Variants in LITAF observed in about 807,000 individuals in gnomAD.
LITAF encodes the protein lipopolysaccharide induced TNF factor.
A neutral mutation model predicts 14.5 loss-of-function variants in LITAF; 9 were observed. That is an observed-to-expected ratio of 0.62 (90% CI 0.37 to 1.08). The LOEUF (loss-of-function observed/expected upper bound fraction) is 1.08. LITAF is among the 50% of genes least tolerant of loss of function. The pLI is 0.01. For synonymous variants in LITAF, 98 were observed against 88.2 expected, an observed-to-expected ratio of 1.11 and a Z score of -0.62; for missense variants, 206 against 213.4, an observed-to-expected ratio of 0.97 and a Z score of 0.22.
chr16:11,582,333 A>C (rs2064751126), intron 1 of LITAF, among the ~76,000 whole-genome samples: 1 of 151,544 alleles, frequency 6.6e-6, no homozygotes, highest in African/African-American at 2.4e-5. Flanking sequence ...AAAAAAAAAA[A>C]AAAAAGAACT....
At chr16:11,619,606 G>T (rs1567265702) in intron 3 of LITAF, among the ~76,000 whole-genome samples, 1 of 150,606 alleles carries the variant, frequency 6.6e-6, no homozygotes, top group African/African-American at 2.4e-5. Context: ...TCAGTCTATT[G>T]ACCAGGCTGG....
At chr16:11,627,201 G>A (rs2065089284) in intron 3 of LITAF, among the ~76,000 whole-genome samples, 1 of 152,232 alleles carries the variant, frequency 6.6e-6, no homozygotes, top group South Asian at 2.1e-4. Context: ...TGTGACCCAA[G>A]CCAAGCCAAT....
At chr16:11,596,607 G>A (rs1245728519) in intron 1 of LITAF, among the ~76,000 whole-genome samples, 1 of 6,206 alleles carries the variant, frequency 1.6e-4, no homozygotes, top group South Asian at 3.6e-3. Context: ...AGGGAGGAAA[G>A]GAGGAAGGGG....
At chr16:11,603,058 G>A (rs1279523670), upstream of LITAF, among the ~76,000 whole-genome samples, 7 of 152,100 alleles carry the variant, frequency 4.6e-5, no homozygotes, top group Non-Finnish European at 7.4e-5. Context: ...AGGCTGCAGC[G>A]AGCTGTGATC....
chr16:11,580,352 G>A (rs537163288), intron 1 of LITAF, among the ~76,000 whole-genome samples: 2 of 151,878 alleles, frequency 1.3e-5, no homozygotes, highest in African/African-American at 4.8e-5. Flanking sequence ...CTGCCTCCCA[G>A]GTTCAAGTGA....
At chr16:11,589,256 AAAT>A (rs1421647422), upstream of LITAF, among the ~76,000 whole-genome samples, 1 of 152,226 alleles carries the variant, frequency 6.6e-6, no homozygotes, top group East Asian at 1.9e-4. Context: ...ATGATTAAAA[AAAT>A]AATAATAAAC....
At chr16:11,584,849 G>T (rs1348262460) in intron 1 of LITAF, among the ~76,000 whole-genome samples, 1 of 152,130 alleles carries the variant, frequency 6.6e-6, no homozygotes, top group African/African-American at 2.4e-5. Flanking sequence ...AAAAGGAACG[G>T]AAGTAACAAA....
At chr16:11,599,756 C>T (rs920432671), upstream of LITAF, among the ~76,000 whole-genome samples, 12 of 152,246 alleles carry the variant, frequency 7.9e-5, no homozygotes, top group Non-Finnish European at 1.3e-4. Flanking sequence ...CACTCCACTC[C>T]AGCCACAGGG....
chr16:11,575,817 C>T (rs73509568), intron 1 of LITAF, among the ~76,000 whole-genome samples: 1,730 of 152,312 alleles, frequency 0.011, 38 homozygotes, highest in African/African-American at 0.04. Flanking sequence ...TTCTGACCCA[C>T]AGCCTCTGTA....
intron 1 of LITAF, among the ~76,000 whole-genome samples, chr16:11,563,210 G>A (rs912229409): frequency 2.6e-5 from 4 of 151,986 alleles, no homozygotes; most frequent in African/African-American, 2.4e-5. Context: ...ACGCAGTGGC[G>A]TGATCTTGGC....
At chr16:11,610,038 A>G (rs933601551) in intron 3 of LITAF, among the ~76,000 whole-genome samples, 35 of 152,172 alleles carry the variant, frequency 2.3e-4, no homozygotes, top group African/African-American at 8.4e-4. Flanking sequence ...GCAGCCTTCA[A>G]TCCTCCCCAC....
rs1242266616 is a variant in LITAF, at chr16:11,632,100, C to T, written c.85+1433G>A. 1.3e-5 allele frequency among the ~76,000 whole-genome samples: 2 copies of T among 152,048 alleles called. No individual in the cohort carries two copies. The highest frequency in any genetic ancestry group is 6.6e-5 in the Admixed American group (1 of 15,260). ...ACCAGGATGGTCTTGATCTCCTGAC[C>T]TCGTGATCCACCCGCCTCGGCCTCC... On this transcript the variant is annotated intron_variant, in intron 3 of 3. Coordinates refer to the LITAF transcript ENST00000574848. The surrounding 1 kb of genome is among the most constrained non-coding windows in gnomAD (Gnocchi z 4.8).
chr16:11,637,854 C>T (rs1341726234), upstream of LITAF, among the ~76,000 whole-genome samples: 1 of 138,434 alleles, frequency 7.2e-6, no homozygotes, highest in East Asian at 2.1e-4. Flanking sequence ...GCATGCTAGT[C>T]TGGGTGACAG....
At chr16:11,602,298 G>A (rs2064932587), upstream of LITAF, among the ~76,000 whole-genome samples, 1 of 152,180 alleles carries the variant, frequency 6.6e-6, no homozygotes, top group Non-Finnish European at 1.5e-5. Context: ...GGAGGTTACA[G>A]TGAGCTGAGA....
At position 11,549,381 on chromosome 16, in the gene LITAF, C is replaced by G. The variant is rs566174855; in HGVS notation, c.*256G>C. ...ACAGTTAGATGGCAGGACTCAGGGT[C>G]TCAGGGAGGCAGGAAACCGTGGAAC... On this transcript the variant is annotated 3_prime_UTR_variant, in exon 4 of 4. Transcript: ENST00000622633. This position sits in a 1 kb window ranked among gnomAD's most constrained non-coding sequence, Gnocchi z 4.6. The G allele has an allele frequency of 2.0e-5, 11 of 538,232 alleles. No individual in the cohort carries two copies. Among genetic ancestry groups the G allele is most frequent in the Middle Eastern group, 3.5e-4 (1 of 2,826 alleles). The allele number at this position is 538,232 out of a possible 1,614,324, so 33.3% of individuals were successfully genotyped here.
intron 3 of LITAF, among the ~76,000 whole-genome samples, chr16:11,633,031 A>C (rs1347749243): frequency 1.3e-5 from 2 of 152,140 alleles, no homozygotes; most frequent in African/African-American, 4.8e-5. Context: ...TGGAGGCCCT[A>C]CTTTGGGGCC....
At chr16:11,570,666 G>C (rs61038046) in intron 1 of LITAF, among the ~76,000 whole-genome samples, 1 of 152,100 alleles carries the variant, frequency 6.6e-6, no homozygotes, top group African/African-American at 2.4e-5. Context: ...AGGTAGGCCC[G>C]GTGTAATCAC....
rs138381679 is a variant in LITAF at position 11,569,384 on chromosome 16, G to T, written c.-5-12649C>A. Among the ~76,000 whole-genome samples the T allele has an allele frequency of 7.4e-3, 1,132 of 152,216 alleles. 7 individuals carry two copies. Among genetic ancestry groups the T allele is most frequent in the Non-Finnish European group, 0.011 (720 of 68,016 alleles). ...GCCTCCCAAGTACCTGGGATTACAG[G>T]CACATGCCACCATGCCTGGCTAATT... On this transcript the variant is annotated intron_variant, in intron 1 of 3. Transcript: ENST00000622633.
intron 3 of LITAF, among the ~76,000 whole-genome samples, chr16:11,551,179 G>C (rs111266967): frequency 6.6e-6 from 1 of 152,170 alleles, no homozygotes; most frequent in Non-Finnish European, 1.5e-5. Context: ...GAAATATTCT[G>C]ATGAGGAAAT....
Sources: allele counts gnomAD v4.1 joint callset (sites outside exome capture counted in the v4.1 genomes callset), GRCh38; gene constraint gnomAD v4.1.1; non-coding constraint Gnocchi (gnomAD v3.1); transcripts MANE v1.5; gene names NCBI Gene and HGNC (gene_info 2026-07-23, HGNC 2026-07-21).